Variants in TNFSF13B observed in about 807,000 individuals in gnomAD.
TNFSF13B encodes the protein TNF superfamily member 13b, also known as tumor necrosis factor ligand superfamily member 13B.
A neutral mutation model predicts 29.1 loss-of-function variants in TNFSF13B; 8 were observed. The observed-to-expected ratio is 0.27, with a 90% CI of 0.16 to 0.50. TNFSF13B has a LOEUF of 0.50. Ranked by LOEUF, TNFSF13B falls within the 20% of genes least tolerant of loss-of-function variation. The pLI, the probability that TNFSF13B is intolerant of heterozygous loss-of-function variation, is 0.98. For missense variants in TNFSF13B, 248 were observed against 334.9 expected (o/e 0.74, Z 2.03); for synonymous variants, 125 against 130.8 (o/e 0.96, Z 0.30).
At chr13:108,270,304 T>G (rs746220620) in intron 1 of TNFSF13B, 36 bp from the exon 2 acceptor site, 28 of 1,613,792 alleles carry the variant, frequency 1.7e-5, no homozygotes, top group Admixed American at 3.3e-5. Flanking sequence ...TCGCCTCAGC[T>G]GTCTTTCTAA....
rs1489297839 is a variant in TNFSF13B, at chr13:108,307,689, T to G, written c.*751T>G. On this transcript the variant is annotated 3_prime_UTR_variant, in exon 6 of 6. Transcript: ENST00000375887. ...TTCAGAAACTTTTAATATCAGGTAA[T>G]TTCAATTTATGCCTATAAAGCATTG... 6.6e-6 allele frequency: 1 copy of G among 152,022 alleles called. No homozygotes were observed. The highest frequency in any genetic ancestry group is 2.4e-5 in the African/African-American group (1 of 41,430). 9.4% of individuals were successfully genotyped at this position (152,022 alleles called of 1,614,324 possible).
intron 2 of TNFSF13B, among the ~76,000 whole-genome samples, chr13:108,271,601 A>T (rs995791384): frequency 6.6e-6 from 1 of 152,194 alleles, no homozygotes; most frequent in Non-Finnish European, 1.5e-5. Flanking sequence ...TTGTATCTTT[A>T]TACTAGTTAT....
At position 108,277,517 on chromosome 13, in the gene TNFSF13B, C is replaced by T. The variant is rs567706743; in HGVS notation, c.424+7093C>T. On this transcript the variant is annotated intron_variant, in intron 2 of 5. Transcript: ENST00000375887. ...CAGGAAAGGAGTCCCGATCCAGACCCCCGGAGAGGGTTCTTGGATCTGACG... is the reference window on the plus strand; with the variant it reads ...CAGGAAAGGAGTCCCGATCCAGACCTCCGGAGAGGGTTCTTGGATCTGACG... 7.9e-5 allele frequency among the ~76,000 whole-genome samples: 12 copies of T among 152,196 alleles called. No individual in the cohort carries two copies. The South Asian group carries it at 2.1e-3, about 26-fold the overall frequency.
chr13:108,306,759 T>C (rs553673316), intron 5 of TNFSF13B, 67 bp from the exon 6 acceptor site: 1 of 965,730 alleles, frequency 1.0e-6, no homozygotes, highest in East Asian at 2.7e-5. Flanking sequence ...CAAAATAGTT[T>C]TATTTAAGAT....
At chr13:108,283,375 T>G (rs1224141) in intron 2 of TNFSF13B, among the ~76,000 whole-genome samples, 31,320 of 152,240 alleles carry the variant, frequency 0.21, 3,448 homozygotes, top group Non-Finnish European at 0.23. Flanking sequence ...ACCTCATTAT[T>G]GAAACATCAA....
chr13:108,282,436 A>T (rs1880983786), intron 2 of TNFSF13B, among the ~76,000 whole-genome samples: 1 of 152,192 alleles, frequency 6.6e-6, no homozygotes, highest in Non-Finnish European at 1.5e-5. Context: ...CTTTCAAATC[A>T]CTTTTTCTGA....
chr13:108,294,550 A>ATT (rs137949712), intron 3 of TNFSF13B, among the ~76,000 whole-genome samples: 25 of 150,086 alleles, frequency 1.7e-4, no homozygotes, highest in African/African-American at 6.1e-4. Flanking sequence ...TTGCATTTGG[A>ATT]TTTTTTTTTT....
chr13:108,284,125 C>G (rs570201390), intron 2 of TNFSF13B, among the ~76,000 whole-genome samples: 2 of 152,052 alleles, frequency 1.3e-5, no homozygotes, highest in African/African-American at 2.4e-5. Flanking sequence ...GTCAGGAGAT[C>G]GAGACCATCC....
intron 3 of TNFSF13B, among the ~76,000 whole-genome samples, chr13:108,296,167 TCTAG>T (rs979043969): frequency 2.1e-5 from 3 of 145,790 alleles, no homozygotes; most frequent in South Asian, 4.3e-4. Flanking sequence ...ACCTAGATGG[TCTAG>T]CTATTATTTC....
At chr13:108,300,279 T>G (rs1332086735) in intron 3 of TNFSF13B, among the ~76,000 whole-genome samples, 1 of 152,228 alleles carries the variant, frequency 6.6e-6, no homozygotes, top group Non-Finnish European at 1.5e-5. Context: ...AATTCATTAA[T>G]TTAATAAATA....
In TNFSF13B at chr13:108,269,885, C is replaced by G. The variant is rs1416913560; in HGVS notation, c.-11C>G. 1.9e-6 allele frequency: 3 copies of G among 1,589,300 alleles called. No individual in the cohort carries two copies. The Admixed American group carries it at 5.3e-5, about 28-fold the overall frequency. On this transcript the variant is annotated 5_prime_UTR_variant, in exon 1 of 6. Transcript: ENST00000375887. ...TCTAAAGGCCCCAACCTTCAAAGTT[C>G]AAGTAGTGATATGGATGACTCCACA... is the stretch of plus-strand genomic sequence containing the variant.
intron 2 of TNFSF13B, among the ~76,000 whole-genome samples, chr13:108,278,450 G>C (rs1338703507): frequency 4.6e-5 from 7 of 151,670 alleles, no homozygotes; most frequent in Admixed American, 4.6e-4. Flanking sequence ...TGTTTTAGTA[G>C]GCATAGAGGC....
At position 108,307,053 on chromosome 13, in the gene TNFSF13B, T is replaced by G; in HGVS notation, c.*115T>G. The G allele has an allele frequency of 1.5e-6, 1 of 654,730 alleles. No homozygotes were observed. Among genetic ancestry groups the G allele is most frequent in the Non-Finnish European group, 2.5e-6 (1 of 407,190 alleles). 40.6% of individuals were successfully genotyped at this position (654,730 alleles called of 1,614,324 possible). A position where few individuals can be genotyped will look rare whatever the true frequency, so the allele number is the denominator to read the frequency against. On this transcript the variant is annotated 3_prime_UTR_variant, in exon 6 of 6. Transcript: ENST00000375887. ...AAAAAAAAAAAAAAAAAAAAGTAGT[T>G]ACCATTGCCTTTTCTGTGAGCTATT...
At chr13:108,296,365 T>C (rs1881459165) in intron 3 of TNFSF13B, among the ~76,000 whole-genome samples, 2 of 146,016 alleles carry the variant, frequency 1.4e-5, no homozygotes, top group Non-Finnish European at 3.0e-5. Context: ...ATTTTTGGCT[T>C]AACATGTATT....
At chr13:108,276,962 TAA>T (rs1594517196) in intron 2 of TNFSF13B, among the ~76,000 whole-genome samples, 1 of 152,128 alleles carries the variant, frequency 6.6e-6, no homozygotes, top group East Asian at 1.9e-4. Flanking sequence ...ATTTTTTTTT[TAA>T]AAGACATTCC....
At position 108,270,106 on chromosome 13, in the gene TNFSF13B, G is replaced by A. The variant is rs763171350; in HGVS notation, c.211G>A (p.Ala71Thr). The A allele has an allele frequency of 3.7e-6, 6 of 1,603,088 alleles. No individual in the cohort carries two copies. Among genetic ancestry groups the A allele is most frequent in the Non-Finnish European group, 5.1e-6 (6 of 1,179,954 alleles). Residue 71 changes from alanine to threonine, a missense_variant, in exon 1 of 6, where the codon GCC becomes ACC. Physicochemically the swap from Ala to Thr is moderately conservative, Grantham distance 58. Around this residue, in one of 2 missense-constraint regions of TNFSF13B, gnomAD observed 186 missense variants for 196.3 expected, o/e 0.95. Coordinates refer to ENST00000375887, the MANE Select transcript of TNFSF13B (RefSeq NM_006573.5). ...GGTGGTGTCTTTCTACCAGGTGGCC[G>A]CCCTGCAAGGGGACCTGGCCAGCCT... ...LTVVSFYQVA[A>T]LQGDLASLRA...
At position 108,270,372 on chromosome 13, in the gene TNFSF13B, C is replaced by A; in HGVS notation, c.372C>A (p.Asn124Lys). 1 of 1,614,108 alleles carries A rather than the reference C, an allele frequency of 6.2e-7. No homozygotes were observed. Among genetic ancestry groups the A allele is most frequent in the South Asian group, 1.1e-5 (1 of 91,086 alleles). ...AACCACCAGCTCCAGGAGAAGGCAACTCCAGTCAGAACAGCAGAAATAAGC... is the reference window on the plus strand; with the variant it reads ...AACCACCAGCTCCAGGAGAAGGCAAATCCAGTCAGAACAGCAGAAATAAGC... ...IFEPPAPGEG[N>K]SSQNSRNKRA... The change falls in exon 2 of 6, where the codon AAC becomes AAA. Residue 124 changes from asparagine (N) to lysine (K), a missense_variant. Physicochemically the swap from Asn to Lys is moderately conservative, Grantham distance 94. Around this residue, in one of 2 missense-constraint regions of TNFSF13B, gnomAD observed 186 missense variants for 196.3 expected, o/e 0.95. Transcript: ENST00000375887.
chr13:108,303,075 C>G (rs918414443), intron 3 of TNFSF13B, among the ~76,000 whole-genome samples, 178 bp from the exon 4 acceptor site: 3 of 152,106 alleles, frequency 2.0e-5, no homozygotes, highest in Admixed American at 6.5e-5. Context: ...TAAGTGATGG[C>G]AAAGAATCCA....
intron 2 of TNFSF13B, among the ~76,000 whole-genome samples, chr13:108,271,059 C>T (rs1880600442): frequency 1.3e-5 from 2 of 151,888 alleles, no homozygotes; most frequent in Non-Finnish European, 1.5e-5. Flanking sequence ...TATAATCGTC[C>T]TTTACTGATT....
Sources: allele counts gnomAD v4.1 joint callset (sites outside exome capture counted in the v4.1 genomes callset), GRCh38; gene constraint gnomAD v4.1.1; regional missense constraint gnomAD v4.1.1; transcripts MANE v1.5; gene names NCBI Gene and HGNC (gene_info 2026-07-23, HGNC 2026-07-21).